SGPL1: variants seen among roughly 807,000 people sequenced by gnomAD.
SGPL1 encodes sphingosine-1-phosphate lyase 1, also known as SP-lyase 1.
SGPL1 carries 37 observed loss-of-function variants against 68.9 expected under a neutral mutation model. The observed-to-expected ratio is 0.54, with a 90% CI of 0.41 to 0.71. The LOEUF is 0.71. SGPL1 is among the 30% of genes least tolerant of loss of function. The probability of loss-of-function intolerance (pLI) is 0.00; values close to 1 mark genes in which losing one functional copy is unlikely to be tolerated. For missense variants in SGPL1, 551 were observed against 704.6 expected, an observed-to-expected ratio of 0.78 and a Z score of 2.47; for synonymous variants, 236 against 248.5, an observed-to-expected ratio of 0.95 and a Z score of 0.47.
At chr10:70,831,061 A>G (rs1280807042) in intron 2 of SGPL1, among the ~76,000 whole-genome samples, 1 of 152,196 alleles carries the variant, frequency 6.6e-6, no homozygotes, top group Non-Finnish European at 1.5e-5. Context: ...CAGAATTTGC[A>G]TATTTAGGGA....
chr10:70,864,975 C>T (rs143128444), intron 7 of SGPL1, among the ~76,000 whole-genome samples: 383 of 152,330 alleles, frequency 2.5e-3, no homozygotes, highest in African/African-American at 9.0e-3. Flanking sequence ...GAAGTCTTCA[C>T]TCTAAAGAGC....
intron 2 of SGPL1, among the ~76,000 whole-genome samples, chr10:70,825,207 C>T (rs770129712): frequency 1.3e-5 from 2 of 151,980 alleles, no homozygotes; most frequent in Non-Finnish European, 2.9e-5. Flanking sequence ...AGCCAGTGAC[C>T]CAGTAGGAAA....
chr10:70,826,786 A>G (rs1845445557), intron 2 of SGPL1, among the ~76,000 whole-genome samples: 1 of 151,916 alleles, frequency 6.6e-6, no homozygotes, highest in Admixed American at 6.6e-5. Flanking sequence ...ATGGATGCAT[A>G]TGTATTTTTA....
At chr10:70,868,841 G>C (rs1374997661) in intron 8 of SGPL1, among the ~76,000 whole-genome samples, 1 of 152,076 alleles carries the variant, frequency 6.6e-6, no homozygotes, top group Non-Finnish European at 1.5e-5. Context: ...GCTGCCTCAG[G>C]GTACTCTCTG....
rs1846371279 is a variant in SGPL1 at position 70,875,561 on chromosome 10, A to T, written c.1445+13A>T. The T allele has an allele frequency of 6.3e-7, 1 of 1,599,280 alleles. No individual in the cohort carries two copies. The highest frequency in any genetic ancestry group is 1.3e-5 in the African/African-American group (1 of 74,618). ...AGTTCCCACCCAGGTAAGCTTGAAG[A>T]AGCCTCTTTCCCTTATTTTGCTCCA... is the stretch of plus-strand genomic sequence containing the variant. On this transcript the variant is annotated intron_variant, in intron 13 of 14. Transcript: ENST00000373202.
At chr10:70,849,252 A>G (rs1163856331) in intron 3 of SGPL1, among the ~76,000 whole-genome samples, 1 of 152,226 alleles carries the variant, frequency 6.6e-6, no homozygotes, top group African/African-American at 2.4e-5. Context: ...CAGCTTTAAC[A>G]GTTAGAAATA....
At chr10:70,824,512 A>G (rs1055754322) in intron 2 of SGPL1, among the ~76,000 whole-genome samples, 1 of 152,234 alleles carries the variant, frequency 6.6e-6, no homozygotes, top group Admixed American at 6.5e-5. Context: ...TTCATGGCTC[A>G]TTACAACCAT....
intron 3 of SGPL1, among the ~76,000 whole-genome samples, chr10:70,845,007 G>C (rs1255821610): frequency 6.6e-6 from 1 of 152,118 alleles, no homozygotes; most frequent in African/African-American, 2.4e-5. Flanking sequence ...CAAAGTGCTG[G>C]GATTACAAGC....
chr10:70,869,603 T>A (rs891125454), intron 8 of SGPL1, among the ~76,000 whole-genome samples, 189 bp from the exon 9 acceptor site: 1 of 152,188 alleles, frequency 6.6e-6, no homozygotes, highest in Non-Finnish European at 1.5e-5. Flanking sequence ...GGAGGGAAGT[T>A]TCTGCAGAAA....
intron 2 of SGPL1, among the ~76,000 whole-genome samples, chr10:70,822,729 G>A (rs934234115): frequency 1.3e-5 from 2 of 151,762 alleles, no homozygotes; most frequent in Non-Finnish European, 2.9e-5. Flanking sequence ...AGGCTGAGCA[G>A]GTTTAAGGAA....
intron 1 of SGPL1, among the ~76,000 whole-genome samples, 195 bp from the exon 2 acceptor site, chr10:70,816,616 G>A (rs1360878156): frequency 6.6e-6 from 1 of 152,174 alleles, no homozygotes; most frequent in East Asian, 1.9e-4. Flanking sequence ...CATCAGCTGT[G>A]GGAGGGAAAC....
At chr10:70,833,354 G>C (rs1463989376) in intron 2 of SGPL1, among the ~76,000 whole-genome samples, 1 of 152,184 alleles carries the variant, frequency 6.6e-6, no homozygotes, top group African/African-American at 2.4e-5. Context: ...AATTTTGGGG[G>C]AAGTATGTGG....
At chr10:70,861,378 A>G (rs1846050089) in intron 7 of SGPL1, among the ~76,000 whole-genome samples, 1 of 152,218 alleles carries the variant, frequency 6.6e-6, no homozygotes, top group Non-Finnish European at 1.5e-5. Flanking sequence ...ACTGATACTC[A>G]ATAGCAACGA....
At chr10:70,831,253 C>A (rs935456742) in intron 2 of SGPL1, among the ~76,000 whole-genome samples, 4 of 152,114 alleles carry the variant, frequency 2.6e-5, no homozygotes, top group African/African-American at 9.7e-5. Flanking sequence ...CCGAAGACTT[C>A]CGTGACCAAA....
In SGPL1 at chr10:70,877,266, G is replaced by A. The variant is rs145816310; in HGVS notation, c.1638G>A (p.Leu546=). ...NMVAELSSVF[L]DSLYSTDTVT... is the part of the protein sequence containing the mutation. ...TTGCAGAATTGTCCTCAGTCTTCTTGGACAGCTTGTACAGCACCGACACTG... is the reference window on the plus strand; with the variant it reads ...TTGCAGAATTGTCCTCAGTCTTCTTAGACAGCTTGTACAGCACCGACACTG... The change falls in exon 15 of 15, where the codon TTG becomes TTA. Residue 546 remains leucine, a synonymous_variant. Coordinates refer to ENST00000373202, the MANE Select transcript of SGPL1 (RefSeq NM_003901.4). The A allele has an allele frequency of 5.5e-5, 89 of 1,614,048 alleles. No homozygotes were observed. Among genetic ancestry groups the A allele is most frequent in the Non-Finnish European group, 1.2e-5 (14 of 1,180,016 alleles).
chr10:70,826,281 A>T (rs1338390594), intron 2 of SGPL1, among the ~76,000 whole-genome samples: 1 of 152,186 alleles, frequency 6.6e-6, no homozygotes, highest in Admixed American at 6.5e-5. Context: ...ATGCCAGTAC[A>T]ATTCCATTCC....
chr10:70,836,670 G>A (rs977716687), intron 2 of SGPL1, among the ~76,000 whole-genome samples: 1 of 152,122 alleles, frequency 6.6e-6, no homozygotes, highest in African/African-American at 2.4e-5. Flanking sequence ...CAAATGCCTG[G>A]GCTCAAGTGA....
chr10:70,866,108 C>T (rs1040871377), intron 7 of SGPL1, among the ~76,000 whole-genome samples: 40 of 152,130 alleles, frequency 2.6e-4, no homozygotes, highest in African/African-American at 8.9e-4. Flanking sequence ...AACTTAGGCC[C>T]AGGCACAGTG....
chr10:70,853,677 G>T (rs139966351), intron 4 of SGPL1, among the ~76,000 whole-genome samples: 118 of 152,274 alleles, frequency 7.7e-4, no homozygotes, highest in African/African-American at 2.8e-3. Context: ...ATATGAATGT[G>T]AATATGTAAG....
Sources: allele counts gnomAD v4.1 joint callset (sites outside exome capture counted in the v4.1 genomes callset), GRCh38; gene constraint gnomAD v4.1.1; transcripts MANE v1.5; gene names NCBI Gene and HGNC (gene_info 2026-07-23, HGNC 2026-07-21).